The following MBD5 variants were observed in gnomAD, a reference collection of about 807,000 sequenced individuals.
The protein encoded by MBD5 is methyl-CpG-binding domain protein 5.
A neutral mutation model predicts 117.3 loss-of-function variants in MBD5; 13 were observed. The ratio of observed to expected loss-of-function variants is 0.11; its 90% CI spans 0.07 to 0.18. MBD5 has a LOEUF of 0.18. Among genes scored for constraint, MBD5 ranks in the 10% least tolerant of loss-of-function variants. The pLI, the probability that MBD5 is intolerant of heterozygous loss-of-function variation, is 1.00. For missense variants in MBD5, 1,879 were observed against 2,093.8 expected (o/e 0.90, Z 2.00); for synonymous variants, 727 against 766.4 (o/e 0.95, Z 0.85).
intron 1 of MBD5, among the ~76,000 whole-genome samples, chr2:148,080,400 A>C (rs887515239): frequency 6.6e-6 from 1 of 152,226 alleles, no homozygotes; most frequent in African/African-American, 2.4e-5. Context: ...AATTGTAAGA[A>C]AAGCAGAGTT....
At chr2:148,023,892 A>G (rs1693832758) in intron 1 of MBD5, among the ~76,000 whole-genome samples, 1 of 152,026 alleles carries the variant, frequency 6.6e-6, no homozygotes, top group Admixed American at 6.6e-5. Flanking sequence ...CTTTTTAAGT[A>G]TTAAGAACCA....
At chr2:148,459,537 T>C (rs977472843) in intron 5 of MBD5, among the ~76,000 whole-genome samples, 3 of 152,162 alleles carry the variant, frequency 2.0e-5, no homozygotes, top group African/African-American at 7.2e-5. Context: ...ACATCTAAGT[T>C]CCCTACTTCA....
chr2:148,022,622 C>A (rs1055982565), intron 1 of MBD5, among the ~76,000 whole-genome samples: 1 of 152,172 alleles, frequency 6.6e-6, no homozygotes, highest in East Asian at 1.9e-4. Context: ...GTACCACTTT[C>A]AGTTTTAGCT....
intron 1 of MBD5, among the ~76,000 whole-genome samples, chr2:148,102,100 T>G (rs918285078): frequency 1.3e-5 from 2 of 152,206 alleles, no homozygotes; most frequent in African/African-American, 2.4e-5. Flanking sequence ...GTTCCTGATA[T>G]CAAGTTTTCT....
chr2:148,453,649 T>C (rs1435025766), intron 4 of MBD5, among the ~76,000 whole-genome samples: 1 of 151,968 alleles, frequency 6.6e-6, no homozygotes, highest in Non-Finnish European at 1.5e-5. Flanking sequence ...TGCTGTGAAA[T>C]AGGTACTTCT....
At chr2:148,050,093 ACT>A (rs765698489) in intron 1 of MBD5, among the ~76,000 whole-genome samples, 11 of 152,018 alleles carry the variant, frequency 7.2e-5, no homozygotes, top group Non-Finnish European at 1.3e-4. Flanking sequence ...TCTCATGGTG[ACT>A]CTATGTTTAA....
chr2:148,109,126 A>G (rs1407406686), intron 1 of MBD5, among the ~76,000 whole-genome samples: 1 of 152,154 alleles, frequency 6.6e-6, no homozygotes, highest in Non-Finnish European at 1.5e-5. Flanking sequence ...AATTGTTAAC[A>G]TACTTATATT....
chr2:148,470,486 C>T (rs902403289), intron 8 of MBD5, 25 bp downstream of exon 8: 2 of 1,547,586 alleles, frequency 1.3e-6, no homozygotes, highest in Non-Finnish European at 1.7e-6. Flanking sequence ...GAAAAAAGTA[C>T]CCAAAGGTAC....
intron 1 of MBD5, among the ~76,000 whole-genome samples, chr2:148,084,314 A>G (rs1261648376): frequency 1.3e-5 from 2 of 152,236 alleles, no homozygotes; most frequent in African/African-American, 4.8e-5. Flanking sequence ...ATTCTGCCCA[A>G]CTAGAATTAA....
intron 12 of MBD5, among the ~76,000 whole-genome samples, chr2:148,508,522 T>A (rs1007019544): frequency 1.3e-5 from 2 of 152,184 alleles, no homozygotes; most frequent in South Asian, 4.1e-4. Context: ...ACTCCAGCTT[T>A]ATTTTTTTAA....
chr2:148,315,981 G>A (rs1035901876), intron 3 of MBD5, among the ~76,000 whole-genome samples: 1 of 152,184 alleles, frequency 6.6e-6, no homozygotes, highest in Non-Finnish European at 1.5e-5. Context: ...GGCTGGGGAA[G>A]CCTCAAGAAA....
In MBD5 at chr2:148,050,181, A is replaced by G. The variant is rs139175055; in HGVS notation, c.-925+28497A>G. The stretch of plus-strand genomic sequence containing the variant: ...TAGCATACGAGGGTTCCAGTTTCTC[A>G]GCTTCCTTACCAACACTTGTTGTGT... On this transcript the variant is annotated intron_variant, in intron 1 of 13. Coordinates refer to ENST00000642680, the MANE Select transcript of MBD5 (RefSeq NM_001378120.1). Among the ~76,000 whole-genome samples the G allele has an allele frequency of 5.9e-5, 9 of 152,266 alleles. No homozygotes were observed. In the East Asian group the frequency reaches 1.7e-3, roughly 29 times the overall value.
At chr2:148,139,866 G>A (rs1697271889) in intron 1 of MBD5, among the ~76,000 whole-genome samples, 1 of 152,136 alleles carries the variant, frequency 6.6e-6, no homozygotes, top group Admixed American at 6.5e-5. Context: ...AGCCTTTAAG[G>A]TCAAGCTGCT....
At chr2:148,098,752 GGAA>G (rs1696129099) in intron 1 of MBD5, among the ~76,000 whole-genome samples, 1 of 152,004 alleles carries the variant, frequency 6.6e-6, no homozygotes, top group African/African-American at 2.4e-5. Flanking sequence ...GTAGGGGTTA[GGAA>G]GAAGACGAAG....
intron 4 of MBD5, among the ~76,000 whole-genome samples, chr2:148,389,705 A>G (rs1704506585): frequency 6.6e-6 from 1 of 151,858 alleles, no homozygotes; most frequent in Non-Finnish European, 1.5e-5. Flanking sequence ...ATTTTTTCAC[A>G]TGTTTGTTGG....
Position 148,489,423 on chromosome 2 carries a change from G to T in MBD5, c.3791G>T (p.Arg1264Ile), listed in dbSNP as rs1553520435. ...MQEDAALLNK[R>I]ISTQPGLTAL... is the part of the protein sequence containing the mutation. Reference sequence around the variant, plus strand: ...GAAGATGCAGCTCTCCTAAACAAAAGAATAAGCACTCAGCCTGGGCTCACA... The same window carrying T: ...GAAGATGCAGCTCTCCTAAACAAAATAATAAGCACTCAGCCTGGGCTCACA... The change falls in exon 11 of 14, where the codon AGA becomes ATA. Residue 1264 changes from arginine to isoleucine, a missense_variant. By Grantham distance (97) the Arg-to-Ile change is moderately conservative (BLOSUM62 -3). Transcript: ENST00000642680. 3.1e-6 allele frequency: 5 copies of T among 1,613,932 alleles called. No homozygotes were observed. The highest frequency in any genetic ancestry group is 4.2e-6 in the Non-Finnish European group (5 of 1,180,028).
intron 3 of MBD5, among the ~76,000 whole-genome samples, chr2:148,240,879 A>G (rs1379877015): frequency 6.6e-6 from 1 of 151,964 alleles, no homozygotes; most frequent in Non-Finnish European, 1.5e-5. Context: ...AATATTTGTT[A>G]TGGTAAAATA....
intron 1 of MBD5, among the ~76,000 whole-genome samples, chr2:148,169,529 G>T (rs1698206965): frequency 6.6e-6 from 1 of 152,140 alleles, no homozygotes; most frequent in African/African-American, 2.4e-5. Context: ...CCCAAGTAAT[G>T]GATATAATAA....
chr2:148,126,016 T>G (rs1197933020), intron 1 of MBD5, among the ~76,000 whole-genome samples: 1 of 152,108 alleles, frequency 6.6e-6, no homozygotes, highest in Non-Finnish European at 1.5e-5. Flanking sequence ...AATCCCTCTT[T>G]AAAGGAAGCA....
Sources: gnomAD v4.1 joint callset for allele counts (sites outside exome capture counted in the v4.1 genomes callset) on GRCh38, gnomAD v4.1.1 for gene constraint, MANE v1.5 for transcripts, NCBI Gene and HGNC (gene_info 2026-07-23, HGNC 2026-07-21) for gene names.